The following CCDC73 variants were observed in gnomAD, a reference collection of about 807,000 sequenced individuals.
CCDC73 encodes coiled-coil domain-containing protein 73.
A neutral mutation model predicts 116.5 loss-of-function variants in CCDC73; 95 were observed. The observed-to-expected ratio is 0.82, with a 90% CI of 0.69 to 0.97. The LOEUF (loss-of-function observed/expected upper bound fraction) is 0.97. Ranked by LOEUF, CCDC73 falls within the 50% of genes least tolerant of loss-of-function variation. The pLI, the probability that CCDC73 is intolerant of heterozygous loss-of-function variation, is 0.00. For synonymous variants in CCDC73, 398 were observed against 401.3 expected, an observed-to-expected ratio of 0.99 and a Z score of 0.10; for missense variants, 1,066 against 1,206.8, an observed-to-expected ratio of 0.88 and a Z score of 1.73.
intron 1 of CCDC73, among the ~76,000 whole-genome samples, chr11:32,785,917 G>C (rs945288341): frequency 2.0e-5 from 3 of 152,082 alleles, no homozygotes; most frequent in Non-Finnish European, 4.4e-5. Flanking sequence ...TTATTTCACA[G>C]GATGTGATGA....
In CCDC73 at chr11:32,629,921, C is replaced by CAAAAAAAAAAA. The variant is rs367693675; in HGVS notation, c.1185+5764_1185+5774dup. On this transcript the variant is annotated intron_variant, in intron 14 of 17. Coordinates refer to ENST00000335185, the MANE Select transcript of CCDC73 (RefSeq NM_001008391.4). ...GCTGGAAAGAATTCCAGCAGATATG[C>CAAAAAAAAAAA]AAAAAAAAAAAAACAAAAAAAAAAC... 9.7e-4 allele frequency among the ~76,000 whole-genome samples: 54 copies of CAAAAAAAAAAA among 55,548 alleles called. 1 individual carries two copies. Among genetic ancestry groups the CAAAAAAAAAAA allele is most frequent in the Non-Finnish European group, 1.2e-3 (30 of 24,598 alleles). 36.4% of individuals were successfully genotyped at this position (55,548 alleles called of 152,430 possible). A position where few individuals can be genotyped will look rare whatever the true frequency, so the allele number is the denominator to read the frequency against.
At chr11:32,761,686 G>A (rs906827879) in intron 1 of CCDC73, among the ~76,000 whole-genome samples, 6 of 152,098 alleles carry the variant, frequency 3.9e-5, no homozygotes, top group Admixed American at 1.3e-4. Context: ...AATAGGATGG[G>A]TATGTGTGTG....
intron 6 of CCDC73, among the ~76,000 whole-genome samples, chr11:32,693,128 G>A (rs1856275781): frequency 6.6e-6 from 1 of 152,220 alleles, no homozygotes; most frequent in Admixed American, 6.5e-5. Context: ...TCTTGACTAT[G>A]AGCTCCATAA....
chr11:32,675,313 C>T (rs544069373), intron 9 of CCDC73, among the ~76,000 whole-genome samples: 1 of 152,190 alleles, frequency 6.6e-6, no homozygotes, highest in South Asian at 2.1e-4. Context: ...TACAATGAAT[C>T]CTTATAAGGT....
chr11:32,746,259 T>C (rs887104575), intron 2 of CCDC73, among the ~76,000 whole-genome samples: 11 of 152,362 alleles, frequency 7.2e-5, no homozygotes, highest in Non-Finnish European at 1.2e-4. Flanking sequence ...TTGCCCCCAC[T>C]CTCTTCTGGC....
chr11:32,624,708 T>C (rs1184303635), intron 14 of CCDC73, among the ~76,000 whole-genome samples: 2 of 152,226 alleles, frequency 1.3e-5, no homozygotes, highest in Admixed American at 6.5e-5. Context: ...CATGCTACTA[T>C]AAAGATACGT....
chr11:32,635,092 A>G (rs1001050022), intron 14 of CCDC73, among the ~76,000 whole-genome samples: 1 of 152,226 alleles, frequency 6.6e-6, no homozygotes, highest in Non-Finnish European at 1.5e-5. Flanking sequence ...GATAAAAACT[A>G]CAAAACATTT....
chr11:32,624,608 T>C (rs183396187), intron 14 of CCDC73, among the ~76,000 whole-genome samples: 48 of 152,312 alleles, frequency 3.2e-4, no homozygotes, highest in Non-Finnish European at 5.4e-4. Flanking sequence ...AAGTTAAATA[T>C]AGAATTACCA....
rs557065624 is a variant in CCDC73 at position 32,640,899 on chromosome 11, C to T, written c.1050+1073G>A. 3.4e-4 allele frequency among the ~76,000 whole-genome samples: 52 copies of T among 152,008 alleles called. No homozygotes were observed. The South Asian group carries it at 0.011, about 31-fold the overall frequency. On this transcript the variant is annotated intron_variant, in intron 13 of 17. Coordinates refer to ENST00000335185, the MANE Select transcript of CCDC73 (RefSeq NM_001008391.4). Reference sequence around the variant, plus strand: ...GGGCGTGGTGGCGGGTGCCTGTAGTCCCAGCTACTCAGGAGGCGAGGCAGG... The same window carrying T: ...GGGCGTGGTGGCGGGTGCCTGTAGTTCCAGCTACTCAGGAGGCGAGGCAGG...
At chr11:32,762,651 T>C (rs1460648359) in intron 1 of CCDC73, among the ~76,000 whole-genome samples, 5 of 151,882 alleles carry the variant, frequency 3.3e-5, no homozygotes, top group African/African-American at 9.7e-5. Flanking sequence ...GATGGCCAAA[T>C]ATGAACAGCT....
At chr11:32,792,568 C>T (rs901536674) in intron 1 of CCDC73, among the ~76,000 whole-genome samples, 1 of 152,164 alleles carries the variant, frequency 6.6e-6, no homozygotes, top group Non-Finnish European at 1.5e-5. Flanking sequence ...CTCCCTGGAA[C>T]ACAATTTAGG....
chr11:32,726,425 T>C (rs1850030281), intron 2 of CCDC73, among the ~76,000 whole-genome samples: 1 of 152,088 alleles, frequency 6.6e-6, no homozygotes, highest in Admixed American at 6.5e-5. Context: ...CTCAATAGAT[T>C]GAGTTTATCA....
intron 2 of CCDC73, among the ~76,000 whole-genome samples, chr11:32,733,463 T>A (rs1166989580): frequency 6.6e-6 from 1 of 152,180 alleles, no homozygotes; most frequent in South Asian, 2.1e-4. Flanking sequence ...CGACATAATA[T>A]ACATTCTTCT....
intron 7 of CCDC73, chr11:32,680,935 C>G (rs1023405141): frequency 1.3e-5 from 2 of 151,898 alleles, no homozygotes; most frequent in African/African-American, 4.8e-5. Flanking sequence ...AAATATGAGG[C>G]ATAGATTACT....
intron 2 of CCDC73, among the ~76,000 whole-genome samples, chr11:32,754,342 T>C (rs978230609): frequency 6.6e-6 from 1 of 152,082 alleles, no homozygotes; most frequent in East Asian, 1.9e-4. Context: ...AACAACAAAA[T>C]GAATTACACA....
intron 7 of CCDC73, among the ~76,000 whole-genome samples, chr11:32,679,132 TC>T (rs1166122090): frequency 1.3e-5 from 2 of 152,092 alleles, no homozygotes; most frequent in African/African-American, 4.8e-5. Flanking sequence ...GCAGCAGTTA[TC>T]AATGCAAACA....
At chr11:32,798,438 G>C (rs540839443), upstream of CCDC73, among the ~76,000 whole-genome samples, 1 of 152,324 alleles carries the variant, frequency 6.6e-6, no homozygotes, top group East Asian at 1.9e-4. Context: ...CTTCTGAGTA[G>C]CTGGGACCAC....
At chr11:32,754,878 CTTTTTTTTTTT>C (rs34982926) in intron 2 of CCDC73, among the ~76,000 whole-genome samples, 1 of 86,562 alleles carries the variant, frequency 1.2e-5, no homozygotes, top group Middle Eastern at 6.7e-3. Flanking sequence ...ATGGCTTCAA[CTTTTTTTTTTT>C]TTTTTTTTTT....
intron 14 of CCDC73, 142 bp downstream of exon 14, chr11:32,635,554 A>T: frequency 1.4e-6 from 1 of 710,408 alleles, no homozygotes; most frequent in Non-Finnish European, 1.8e-6. Flanking sequence ...TACAAAAATT[A>T]ACTAAAAATG....
Sources: allele counts gnomAD v4.1 joint callset (sites outside exome capture counted in the v4.1 genomes callset), GRCh38; gene constraint gnomAD v4.1.1; transcripts MANE v1.5; gene names NCBI Gene and HGNC (gene_info 2026-07-23, HGNC 2026-07-21).